PABPC1: variants seen among roughly 807,000 people sequenced by gnomAD.
The protein encoded by PABPC1 is poly(A) binding protein cytoplasmic 1, also known as polyadenylate-binding protein 1.
A neutral mutation model predicts 74.0 loss-of-function variants in PABPC1; 4 were observed. The ratio of observed to expected loss-of-function variants is 0.05; its 90% CI spans 0.03 to 0.12. The LOEUF (loss-of-function observed/expected upper bound fraction) is 0.12. PABPC1 is among the 10% of genes least tolerant of loss of function. PABPC1 has a pLI of 1.00. For synonymous variants in PABPC1, 227 were observed against 264.1 expected, an observed-to-expected ratio of 0.86 and a Z score of 1.36; for missense variants, 271 against 821.1, an observed-to-expected ratio of 0.33 and a Z score of 8.19.
intron 7 of PABPC1, among the ~76,000 whole-genome samples, chr8:100,711,795 A>G (rs1810533755): frequency 6.6e-6 from 1 of 152,158 alleles, no homozygotes. Flanking sequence ...ATTTTTTTCT[A>G]TGCACTCTTC....
At position 100,704,377 on chromosome 8, in the gene PABPC1, A is replaced by G. The variant is rs1810326626; in HGVS notation, c.1832T>C (p.Val611Ala). 1 of 1,613,818 alleles carries G rather than the reference A, an allele frequency of 6.2e-7. No homozygotes were observed. The change falls in exon 14 of 15, where the codon GTA (valine) becomes GCA (alanine). Residue 611 changes from valine to alanine, a missense_variant. Transcript: ENST00000318607. ...ESLRSKVDEA[V>A]AVLQAHQAKE... The stretch of plus-strand genomic sequence containing the variant: ...AGCTTGGTGGGCTTGTAGTACAGCT[A>G]CAGCTTCATCAACCTAAAAAAGGGG...
intron 9 of PABPC1, among the ~76,000 whole-genome samples, chr8:100,707,619 G>A (rs1039274431): frequency 3.9e-5 from 6 of 152,198 alleles, no homozygotes; most frequent in African/African-American, 1.4e-4. Context: ...CAGGTGTACA[G>A]GATGGAACAT....
intron 4 of PABPC1, 130 bp downstream of exon 4, chr8:100,715,331 TA>T: frequency 1.3e-6 from 1 of 751,850 alleles, no homozygotes; most frequent in African/African-American, 1.7e-5. Flanking sequence ...TTAATTCAAA[TA>T]ACCACAAATA....
At chr8:100,705,517 T>G (rs1587144193) in intron 12 of PABPC1, 72 bp downstream of exon 12, 4 of 888,560 alleles carry the variant, frequency 4.5e-6, no homozygotes, top group East Asian at 2.5e-5. Flanking sequence ...GTCAATTGAT[T>G]GACCTAGTGC....
chr8:100,706,231 C>T (rs1299498457), intron 11 of PABPC1, among the ~76,000 whole-genome samples: 5 of 152,198 alleles, frequency 3.3e-5, no homozygotes, highest in Admixed American at 6.5e-5. Flanking sequence ...ATTCCAAAAG[C>T]GTAAGACATT....
chr8:100,715,158 C>CACACAT (rs1234644734), intron 4 of PABPC1, among the ~76,000 whole-genome samples: 118 of 76,218 alleles, frequency 1.5e-3, no homozygotes, highest in African/African-American at 4.5e-3. Flanking sequence ...CACACACACA[C>CACACAT]ATATATATCT....
chr8:100,712,807 A>AC lies in PABPC1; in HGVS notation c.739-19_739-18insG. 1 of 1,479,092 alleles carries AC rather than the reference A, an allele frequency of 6.8e-7. No individual in the cohort carries two copies. Among genetic ancestry groups the AC allele is most frequent in the Non-Finnish European group, 8.9e-7 (1 of 1,129,658 alleles). 91.6% of individuals were successfully genotyped at this position (1,479,092 alleles called of 1,614,324 possible). A position where few individuals can be genotyped will look rare whatever the true frequency, so the allele number is the denominator to read the frequency against. The stretch of plus-strand genomic sequence containing the variant: ...TCCACAGCCTTCCCCCCAAAAAAAA[A>AC]GAAAAAAAAAAAATCACAAAACTTT... On this transcript the variant is annotated intron_variant, in intron 5 of 14. Coordinates refer to ENST00000318607, the MANE Select transcript of PABPC1 (RefSeq NM_002568.4).
intron 1 of PABPC1, among the ~76,000 whole-genome samples, chr8:100,718,799 G>T (rs1319296497): frequency 6.6e-6 from 1 of 152,120 alleles, no homozygotes; most frequent in East Asian, 1.9e-4. Flanking sequence ...CCTAAAAAAT[G>T]AAAGTTTCTT....
At position 100,721,310 on chromosome 8, in the gene PABPC1, G is replaced by A. The variant is rs1587174133; in HGVS notation, c.193+81C>T. On this transcript the variant is annotated intron_variant, in intron 1 of 14. Transcript: ENST00000318607. The surrounding 1 kb of genome is among the most constrained non-coding windows in gnomAD (Gnocchi z 7.4). ...CCCTCCCGCCCCCCTCCCCGGGCCCGCCGGCCTACCCCGCCCGCCGCCGCC... is the reference window on the plus strand; with the variant it reads ...CCCTCCCGCCCCCCTCCCCGGGCCCACCGGCCTACCCCGCCCGCCGCCGCC... The A allele has an allele frequency of 3.3e-6, 1 of 305,030 alleles. No individual in the cohort carries two copies. Among genetic ancestry groups the A allele is most frequent in the Non-Finnish European group, 5.0e-6 (1 of 199,506 alleles). 18.9% of individuals were successfully genotyped at this position (305,030 alleles called of 1,614,324 possible). A position where few individuals can be genotyped will look rare whatever the true frequency, so the allele number is the denominator to read the frequency against.
chr8:100,721,536 C>T lies in PABPC1; in HGVS notation c.48G>A (p.Gly16=), dbSNP rs1810831835. 1 of 1,609,322 alleles carries T rather than the reference C, an allele frequency of 6.2e-7. No homozygotes were observed. The highest frequency in any genetic ancestry group is 8.5e-7 in the Non-Finnish European group (1 of 1,177,308). The change falls in exon 1 of 15, where the codon GGG becomes GGA. Residue 16 remains glycine, a synonymous_variant. Transcript: ENST00000318607. This position sits in a 1 kb window ranked among gnomAD's most constrained non-coding sequence, Gnocchi z 7.4. ...CCTCGGTCACGTCGGGGTGGAGGTCCCCCACGTAGAGCGAGGCCATGGGGT... is the reference window on the plus strand; with the variant it reads ...CCTCGGTCACGTCGGGGTGGAGGTCTCCCACGTAGAGCGAGGCCATGGGGT... ...PSYPMASLYV[G]DLHPDVTEAM... is the part of the protein sequence containing the mutation.
At chr8:100,712,971 G>C in intron 5 of PABPC1, 116 bp downstream of exon 5, 1 of 1,020,456 alleles carries the variant, frequency 9.8e-7, no homozygotes, top group South Asian at 1.7e-5. Flanking sequence ...TGCATAAAAT[G>C]CAAATAACTG....
chr8:100,704,618 C>T (rs560464680), intron 13 of PABPC1, among the ~76,000 whole-genome samples: 1 of 152,162 alleles, frequency 6.6e-6, no homozygotes, highest in Non-Finnish European at 1.5e-5. Flanking sequence ...TCCCCACACT[C>T]GAAAAATATT....
chr8:100,711,072 G>T (rs1810516226), intron 7 of PABPC1, among the ~76,000 whole-genome samples: 1 of 152,176 alleles, frequency 6.6e-6, no homozygotes, highest in Non-Finnish European at 1.5e-5. Context: ...GAGGTCAGGA[G>T]TTGGAAGACC....
At chr8:100,706,558 G>C in intron 11 of PABPC1, 93 bp downstream of exon 11, 2 of 1,139,948 alleles carry the variant, frequency 1.8e-6, no homozygotes, top group Non-Finnish European at 2.5e-6. Flanking sequence ...AAGTGCTGGG[G>C]TTATAGGTGT....
At chr8:100,715,400 A>T (rs778199496) in intron 4 of PABPC1, 62 bp downstream of exon 4, 16 of 1,407,666 alleles carry the variant, frequency 1.1e-5, no homozygotes, top group Non-Finnish European at 1.5e-5. Context: ...AGTAATAGCT[A>T]AAATTAACAC....
At position 100,713,188 on chromosome 8, in the gene PABPC1, A is replaced by G; in HGVS notation, c.644-7T>C. ...TTCACACTTAAGGCAGGCCCTAAAAAATTTTTTTACATAAATCAAAGATAT... is the reference window on the plus strand; with the variant it reads ...TTCACACTTAAGGCAGGCCCTAAAAGATTTTTTTACATAAATCAAAGATAT... On this transcript the variant is annotated splice_polypyrimidine_tract_variant and splice_region_variant and intron_variant, in intron 4 of 14. Coordinates refer to ENST00000318607, the MANE Select transcript of PABPC1 (RefSeq NM_002568.4). The G allele has an allele frequency of 1.3e-6, 2 of 1,494,838 alleles. No homozygotes were observed. The highest frequency in any genetic ancestry group is 1.8e-6 in the Non-Finnish European group (2 of 1,100,224). The allele number at this position is 1,494,838 out of a possible 1,614,324, so 92.6% of individuals were successfully genotyped here.
Sources: gnomAD v4.1 joint callset for allele counts (sites outside exome capture counted in the v4.1 genomes callset) on GRCh38, gnomAD v4.1.1 for gene constraint, Gnocchi (gnomAD v3.1) non-coding constraint, MANE v1.5 for transcripts, NCBI Gene and HGNC (gene_info 2026-07-23, HGNC 2026-07-21) for gene names.